CAMK2B: variants seen among roughly 807,000 people sequenced by gnomAD.
CAMK2B encodes calcium/calmodulin-dependent protein kinase type II subunit beta.
CAMK2B carries 27 observed loss-of-function variants against 93.7 expected under a neutral mutation model. The ratio of observed to expected loss-of-function variants is 0.29; its 90% CI spans 0.21 to 0.40. The LOEUF (loss-of-function observed/expected upper bound fraction) is 0.40. CAMK2B is among the 10% of genes least tolerant of loss of function. CAMK2B has a pLI of 1.00. For synonymous variants in CAMK2B, 374 were observed against 358.8 expected (o/e 1.04, Z -0.48); for missense variants, 568 against 895.8 (o/e 0.63, Z 4.67).
At chr7:44,267,717 T>A (rs2096932481) in intron 2 of CAMK2B, among the ~76,000 whole-genome samples, 3 of 152,024 alleles carry the variant, frequency 2.0e-5, no homozygotes, top group Non-Finnish European at 4.4e-5. Context: ...ATCCCACAGA[T>A]CAAATACAGC....
intron 9 of CAMK2B, 63 bp from the exon 10 acceptor site, chr7:44,242,403 C>T: frequency 6.3e-7 from 1 of 1,580,554 alleles, no homozygotes; most frequent in Admixed American, 1.7e-5. Context: ...GGCAAGAATT[C>T]TCCAAGGGGC....
Position 44,231,018 on chromosome 7 carries a change from C to T in CAMK2B, c.1213G>A (p.Glu405Lys). The change falls in exon 17 of 24, where the codon GAA (glutamate) becomes AAA (lysine). Residue 405 changes from glutamate to lysine, a missense_variant. By Grantham distance (56) the Glu-to-Lys change is moderately conservative. This residue lies in a region of CAMK2B where 308 missense variants were observed against 292.1 expected (regional missense o/e 1.05). Transcript: ENST00000395749. Reference sequence around the variant, plus strand: ...CAAGTGCAGGTACCTTTAGCGTCTTCATCCTCTATGGTGGTATTGGCACTG... The same window carrying T: ...CAAGTGCAGGTACCTTTAGCGTCTTTATCCTCTATGGTGGTATTGGCACTG... ...SDSANTTIED[E>K]DAKAPRVPDI... is the part of the protein sequence containing the mutation. The T allele has an allele frequency of 6.4e-7, 1 of 1,554,884 alleles. No individual in the cohort carries two copies. Among genetic ancestry groups the T allele is most frequent in the Non-Finnish European group, 8.7e-7 (1 of 1,149,002 alleles).
intron 2 of CAMK2B, among the ~76,000 whole-genome samples, chr7:44,272,979 CCAA>C (rs2096988698): frequency 6.6e-6 from 1 of 152,192 alleles, no homozygotes. Context: ...AAAGTTAAAG[CCAA>C]CAACATTACG....
At chr7:44,301,336 T>C (rs1789959595) in intron 1 of CAMK2B, among the ~76,000 whole-genome samples, 1 of 152,216 alleles carries the variant, frequency 6.6e-6, no homozygotes, top group African/African-American at 2.4e-5. Context: ...AGGATCTTGC[T>C]ATGTTTCCCA....
At chr7:44,291,277 G>A (rs1786750512) in intron 1 of CAMK2B, among the ~76,000 whole-genome samples, 1 of 152,160 alleles carries the variant, frequency 6.6e-6, no homozygotes, top group Non-Finnish European at 1.5e-5. Flanking sequence ...AGGAGTTTCG[G>A]ACAAGCAGGT....
intron 1 of CAMK2B, among the ~76,000 whole-genome samples, chr7:44,308,104 A>G (rs1413676105): frequency 2.6e-5 from 4 of 152,176 alleles, no homozygotes; most frequent in Non-Finnish European, 1.5e-5. Flanking sequence ...GGCCTCACCC[A>G]CACGGGATGT....
intron 1 of CAMK2B, among the ~76,000 whole-genome samples, chr7:44,285,183 C>T (rs368316423): frequency 5.9e-5 from 9 of 152,336 alleles, no homozygotes; most frequent in East Asian, 3.9e-4. Flanking sequence ...CAGGAGGCCC[C>T]GCAGAATCTG....
chr7:44,239,968 C>T (rs1422601103), intron 12 of CAMK2B, among the ~76,000 whole-genome samples: 8 of 152,176 alleles, frequency 5.3e-5, no homozygotes, highest in Admixed American at 3.9e-4. Context: ...ACCGTGTGCA[C>T]GCGTTCCCGG....
intron 1 of CAMK2B, among the ~76,000 whole-genome samples, chr7:44,318,474 G>A (rs77319524): frequency 0.076 from 11,649 of 152,304 alleles, 714 homozygotes; most frequent in African/African-American, 0.17. Context: ...AGCACCTACT[G>A]TGTGCCAGGC....
intron 18 of CAMK2B, 93 bp downstream of exon 18, chr7:44,229,295 C>T (rs368558449): frequency 5.3e-5 from 44 of 823,256 alleles, no homozygotes; most frequent in African/African-American, 5.3e-4. Flanking sequence ...CCAGGGTCCA[C>T]GCTCAGCCTG....
intron 1 of CAMK2B, among the ~76,000 whole-genome samples, chr7:44,309,386 G>A (rs1353897114): frequency 6.6e-6 from 1 of 152,148 alleles, no homozygotes. Flanking sequence ...CCGAGTACCC[G>A]AGCTCTGAGC....
At chr7:44,281,020 T>C (rs2097097824) in intron 2 of CAMK2B, among the ~76,000 whole-genome samples, 4 of 151,936 alleles carry the variant, frequency 2.6e-5, no homozygotes, top group Admixed American at 2.6e-4. Flanking sequence ...TGGGTGATAC[T>C]CCCCCCACCC....
intron 5 of CAMK2B, among the ~76,000 whole-genome samples, chr7:44,253,419 G>T (rs941650408): frequency 6.6e-6 from 1 of 152,072 alleles, no homozygotes; most frequent in African/African-American, 2.4e-5. Flanking sequence ...CTCCATGTTG[G>T]TCAGGTTGGC....
chr7:44,315,335 C>A (rs1794602538), intron 1 of CAMK2B, among the ~76,000 whole-genome samples: 1 of 152,154 alleles, frequency 6.6e-6, no homozygotes, highest in African/African-American at 2.4e-5. Context: ...GACCGTTATT[C>A]TTCTCCACTG....
At chr7:44,261,667 T>G (rs1226472652) in intron 3 of CAMK2B, among the ~76,000 whole-genome samples, 1 of 152,182 alleles carries the variant, frequency 6.6e-6, no homozygotes, top group Non-Finnish European at 1.5e-5. Flanking sequence ...ATTTTTAACT[T>G]TTTAAAAATA....
chr7:44,302,225 C>T (rs1018524333), intron 1 of CAMK2B, among the ~76,000 whole-genome samples: 3 of 152,164 alleles, frequency 2.0e-5, no homozygotes, highest in African/African-American at 4.8e-5. Flanking sequence ...GTAATATAAA[C>T]AGGACTGTAT....
chr7:44,221,725 C>T (rs529078350), intron 20 of CAMK2B, among the ~76,000 whole-genome samples: 3 of 152,354 alleles, frequency 2.0e-5, no homozygotes, highest in Non-Finnish European at 4.4e-5. Flanking sequence ...TGCCCGCCCC[C>T]CTTGGATTCC....
intron 1 of CAMK2B, among the ~76,000 whole-genome samples, chr7:44,299,813 T>G (rs193196491): frequency 2.0e-5 from 3 of 152,174 alleles, no homozygotes; most frequent in African/African-American, 7.2e-5. Flanking sequence ...GTCTAGTGCA[T>G]AGTAAAATGC....
intron 2 of CAMK2B, among the ~76,000 whole-genome samples, chr7:44,278,817 C>G (rs144914943): frequency 6.6e-6 from 1 of 152,248 alleles, no homozygotes; most frequent in Non-Finnish European, 1.5e-5. Flanking sequence ...TTTCTGGAGA[C>G]CCAGATTTCA....
Sources: allele counts gnomAD v4.1 joint callset (sites outside exome capture counted in the v4.1 genomes callset), GRCh38; gene constraint gnomAD v4.1.1; regional missense constraint gnomAD v4.1.1; transcripts MANE v1.5; gene names NCBI Gene and HGNC (gene_info 2026-07-23, HGNC 2026-07-21).